The following DDAH1 variants were observed in gnomAD, a reference collection of about 807,000 sequenced individuals.
DDAH1 encodes the protein dimethylarginine dimethylaminohydrolase 1, also known as N(G),N(G)-dimethylarginine dimethylaminohydrolase 1.
DDAH1 carries 19 observed loss-of-function variants against 28.8 expected under a neutral mutation model. The ratio of observed to expected loss-of-function variants is 0.66; its 90% CI spans 0.46 to 0.97. The LOEUF is 0.97. Ranked by LOEUF, DDAH1 falls within the 50% of genes least tolerant of loss-of-function variation. DDAH1 has a pLI of 0.00. For missense variants in DDAH1, 326 were observed against 375.9 expected (o/e 0.87, Z 1.10); for synonymous variants, 153 against 154.4 (o/e 0.99, Z 0.07).
At position 85,442,516 on chromosome 1, in the gene DDAH1, T is replaced by C. The variant is rs1570550018; in HGVS notation, c.303+22227A>G. Among the ~76,000 whole-genome samples the C allele has an allele frequency of 5.3e-5, 8 of 152,260 alleles. No individual in the cohort carries two copies. In the South Asian group the frequency reaches 1.4e-3, roughly 28 times the overall value. On this transcript the variant is annotated intron_variant, in intron 1 of 5. Coordinates refer to ENST00000284031, the MANE Select transcript of DDAH1 (RefSeq NM_012137.4). ...GTGTGCAAATGTCTTTATAGCAGCA[T>C]GATTTATAATCCTTTGGGTATATAC...
At chr1:85,404,543 C>T (rs758043939) in intron 1 of DDAH1, 1 of 1,338,672 alleles carries the variant, frequency 7.5e-7, no homozygotes. Context: ...ACTGCAGCTC[C>T]AGACAGAAAA....
At chr1:85,541,517 T>C (rs568627640) in intron 1 of DDAH1, among the ~76,000 whole-genome samples, 3 of 152,224 alleles carry the variant, frequency 2.0e-5, no homozygotes, top group Non-Finnish European at 2.9e-5. Context: ...TAGTAAATGA[T>C]GCTGTGTTGG....
At chr1:85,324,451 G>T (rs1647240934) in intron 5 of DDAH1, among the ~76,000 whole-genome samples, 1 of 152,106 alleles carries the variant, frequency 6.6e-6, no homozygotes, top group Non-Finnish European at 1.5e-5. Context: ...TTTAATCAGA[G>T]CTGGGGCATA....
intron 5 of DDAH1, among the ~76,000 whole-genome samples, chr1:85,322,210 C>T (rs1469781867): frequency 6.6e-6 from 1 of 152,164 alleles, no homozygotes; most frequent in South Asian, 2.1e-4. Context: ...CAGGCATAAG[C>T]CACCACACTA....
chr1:85,565,387 C>T (rs983665964), intron 1 of DDAH1, among the ~76,000 whole-genome samples: 4 of 151,942 alleles, frequency 2.6e-5, no homozygotes, highest in East Asian at 3.9e-4. Context: ...CATAAAACAA[C>T]GGGTTAAAAC....
intron 1 of DDAH1, among the ~76,000 whole-genome samples, chr1:85,528,579 A>G (rs867873165): frequency 6.6e-6 from 1 of 151,926 alleles, no homozygotes; most frequent in Non-Finnish European, 1.5e-5. Context: ...AGAGGAAGAC[A>G]GACATGCAAT....
chr1:85,512,540 G>A (rs1570626427), intron 1 of DDAH1, among the ~76,000 whole-genome samples: 1 of 152,176 alleles, frequency 6.6e-6, no homozygotes. Context: ...TATTCAATTA[G>A]GAAAAGAGGA....
chr1:85,492,105 G>T (rs1232507450), intron 2 of DDAH1, among the ~76,000 whole-genome samples: 1 of 152,142 alleles, frequency 6.6e-6, no homozygotes, highest in Non-Finnish European at 1.5e-5. Flanking sequence ...GAGGTTAAAT[G>T]AAGTGACCAA....
At chr1:85,554,329 G>A (rs1296171995) in intron 1 of DDAH1, among the ~76,000 whole-genome samples, 1 of 141,604 alleles carries the variant, frequency 7.1e-6, no homozygotes, top group African/African-American at 2.8e-5. Flanking sequence ...TTTACTGGGA[G>A]AAGAGATCAG....
intron 1 of DDAH1, among the ~76,000 whole-genome samples, chr1:85,531,614 T>C (rs1270319622): frequency 6.7e-6 from 1 of 148,754 alleles, no homozygotes; most frequent in African/African-American, 2.5e-5. Context: ...GGTATTTTTT[T>C]CCCTATTGTA....
intron 1 of DDAH1, among the ~76,000 whole-genome samples, chr1:85,361,966 A>G (rs1456842450): frequency 6.6e-6 from 1 of 152,232 alleles, no homozygotes; most frequent in Non-Finnish European, 1.5e-5. Flanking sequence ...TTTTTTATGA[A>G]TAACAGCTTG....
intron 5 of DDAH1, among the ~76,000 whole-genome samples, chr1:85,322,264 G>A (rs1199729376): frequency 6.6e-6 from 1 of 151,866 alleles, no homozygotes; most frequent in Non-Finnish European, 1.5e-5. Context: ...TATACTTTAG[G>A]TTTATTTTCT....
intron 1 of DDAH1, among the ~76,000 whole-genome samples, chr1:85,514,542 A>T (rs1242034656): frequency 1.7e-4 from 22 of 127,412 alleles, no homozygotes; most frequent in Admixed American, 1.2e-3. Flanking sequence ...AAAAAAAAAA[A>T]GGCAAGGTAA....
At chr1:85,331,652 A>G (rs1647774647) in intron 4 of DDAH1, among the ~76,000 whole-genome samples, 1 of 152,218 alleles carries the variant, frequency 6.6e-6, no homozygotes, top group Admixed American at 6.5e-5. Flanking sequence ...GGCTGAGCCA[A>G]TATAGCTATG....
intron 1 of DDAH1, among the ~76,000 whole-genome samples, chr1:85,401,029 T>C (rs1460934779): frequency 6.6e-6 from 1 of 152,210 alleles, no homozygotes; most frequent in African/African-American, 2.4e-5. Flanking sequence ...AAAGACATTG[T>C]AGGCAAATGT....
intron 1 of DDAH1, among the ~76,000 whole-genome samples, chr1:85,570,911 T>C (rs1360451903): frequency 1.3e-5 from 2 of 152,092 alleles, no homozygotes; most frequent in East Asian, 1.9e-4. Context: ...CAAACACTCA[T>C]ACAGGGAGTG....
chr1:85,469,883 A>G (rs1655558731), upstream of DDAH1, among the ~76,000 whole-genome samples: 1 of 152,216 alleles, frequency 6.6e-6, no homozygotes, highest in Admixed American at 6.5e-5. Context: ...CAAGACCTTT[A>G]TAAGCAATTT....
At chr1:85,433,048 A>G (rs1353539065) in intron 1 of DDAH1, among the ~76,000 whole-genome samples, 1 of 152,210 alleles carries the variant, frequency 6.6e-6, no homozygotes, top group Non-Finnish European at 1.5e-5. Context: ...TCCATGTAAC[A>G]AAACTGGTTT....
Position 85,318,954 on chromosome 1 carries a change from A to T in DDAH1, c.*2498T>A, listed in dbSNP as rs1661213324. The T allele has an allele frequency of 6.6e-6, 1 of 152,242 alleles. No homozygotes were observed. The highest frequency in any genetic ancestry group is 2.4e-5 in the African/African-American group (1 of 41,466). 9.4% of individuals were successfully genotyped at this position (152,242 alleles called of 1,614,324 possible). ...TCTATATCATCCTTTAACTAAATTG[A>T]ATCACATCACCCAAGTAATTCTGAC... is the stretch of plus-strand genomic sequence containing the variant. On this transcript the variant is annotated 3_prime_UTR_variant, in exon 6 of 6. Coordinates refer to ENST00000284031, the MANE Select transcript of DDAH1 (RefSeq NM_012137.4).
Sources: gnomAD v4.1 joint callset for allele counts (sites outside exome capture counted in the v4.1 genomes callset) on GRCh38, gnomAD v4.1.1 for gene constraint, MANE v1.5 for transcripts, NCBI Gene and HGNC (gene_info 2026-07-23, HGNC 2026-07-21) for gene names.